APP: variants seen among roughly 807,000 people sequenced by gnomAD.
APP encodes the protein amyloid-beta precursor protein.
Under a neutral mutation model 101.4 loss-of-function variants are expected in APP, and 31 were observed. That is an observed-to-expected ratio of 0.31 (90% CI 0.23 to 0.41). APP has a LOEUF of 0.41. Among genes scored for constraint, APP ranks in the 10% least tolerant of loss-of-function variants. The pLI, the probability that APP is intolerant of heterozygous loss-of-function variation, is 1.00. For missense variants in APP, 839 were observed against 1,003.7 expected (o/e 0.84, Z 2.22); for synonymous variants, 366 against 364.4 (o/e 1.00, Z -0.05).
At chr21:25,909,757 C>T (rs912055746) in intron 14 of APP, among the ~76,000 whole-genome samples, 1 of 152,096 alleles carries the variant, frequency 6.6e-6, no homozygotes. Context: ...CTTCAATGAC[C>T]AAAATCTATC....
intron 13 of APP, among the ~76,000 whole-genome samples, chr21:25,915,120 G>A (rs2083516287): frequency 6.6e-6 from 1 of 152,160 alleles, no homozygotes; most frequent in African/African-American, 2.4e-5. Context: ...GGCCCACCCC[G>A]TATTTCTAGC....
chr21:26,007,062 A>G (rs1403317661), intron 6 of APP, among the ~76,000 whole-genome samples: 1 of 152,012 alleles, frequency 6.6e-6, no homozygotes, highest in East Asian at 1.9e-4. Context: ...TATTTTCTGA[A>G]CTTTTTTTTA....
intron 15 of APP, among the ~76,000 whole-genome samples, chr21:25,901,052 C>CT (rs398121544): frequency 6.7e-6 from 1 of 148,624 alleles, no homozygotes; most frequent in African/African-American, 2.5e-5. Context: ...TAATCCCAGC[C>CT]TTTGGGAGGC....
intron 2 of APP, among the ~76,000 whole-genome samples, chr21:26,107,864 C>G (rs964804829): frequency 6.6e-6 from 1 of 152,116 alleles, no homozygotes; most frequent in Non-Finnish European, 1.5e-5. Context: ...ATCAATGCAC[C>G]CTTAGTATCC....
Position 25,955,106 on chromosome 21 carries a change from C to T in APP, c.1588-417G>A, listed in dbSNP as rs1010767062. On this transcript the variant is annotated intron_variant, in intron 12 of 17. Transcript: ENST00000346798. ...TTGCAAATTTCCCCCTAGAAAACAACGTATTTCAATTTGATTGGCTATTTC... is the reference window on the plus strand; with the variant it reads ...TTGCAAATTTCCCCCTAGAAAACAATGTATTTCAATTTGATTGGCTATTTC... Among the ~76,000 whole-genome samples the T allele has an allele frequency of 7.2e-5, 11 of 152,138 alleles. No individual in the cohort carries two copies. The East Asian group carries it at 1.2e-3, about 16-fold the overall frequency.
Position 25,954,612 on chromosome 21 carries a change from G to A in APP, c.1665C>T (p.Ala555=), listed in dbSNP as rs200846684. Residue 555 remains alanine, a synonymous_variant, in exon 13 of 18, where the codon GCC becomes GCT. Transcript: ENST00000346798. ...LSLLYNVPAV[A]EEIQDEVDEL... is the part of the protein sequence containing the mutation. Reference sequence around the variant, plus strand: ...TACCAACTTCATCCTGAATCTCCTCGGCCACTGCAGGCACGTTGTAGAGCA... The same window carrying A: ...TACCAACTTCATCCTGAATCTCCTCAGCCACTGCAGGCACGTTGTAGAGCA... The A allele has an allele frequency of 3.3e-5, 54 of 1,613,742 alleles. No homozygotes were observed. The highest frequency in any genetic ancestry group is 4.2e-5 in the Non-Finnish European group (49 of 1,179,876).
At chr21:25,920,287 A>G (rs1239284373) in intron 13 of APP, among the ~76,000 whole-genome samples, 1 of 152,186 alleles carries the variant, frequency 6.6e-6, no homozygotes, top group African/African-American at 2.4e-5. Flanking sequence ...CAAAATGTAA[A>G]GACCATCAAG....
intron 6 of APP, among the ~76,000 whole-genome samples, chr21:26,017,216 A>AAAAAAAAAAAAAAAAAAAAAAT: frequency 6.7e-6 from 1 of 149,800 alleles, no homozygotes; most frequent in African/African-American, 2.5e-5. Flanking sequence ...AAAAAAAAAA[A>AAAAAAAAAAAAAAAAAAAAAAT]AATTCTTGGC....
chr21:26,092,418 T>C (rs931867815), intron 2 of APP, among the ~76,000 whole-genome samples: 1 of 152,188 alleles, frequency 6.6e-6, no homozygotes, highest in Non-Finnish European at 1.5e-5. Context: ...CCCATCTGAA[T>C]AGGCTCCATA....
At chr21:26,106,611 C>T (rs531196899) in intron 2 of APP, among the ~76,000 whole-genome samples, 2 of 152,238 alleles carry the variant, frequency 1.3e-5, no homozygotes, top group South Asian at 2.1e-4. Context: ...CAAAGCGCTG[C>T]GACTACAGGT....
At chr21:26,125,824 G>A (rs1164420602) in intron 1 of APP, among the ~76,000 whole-genome samples, 1 of 152,156 alleles carries the variant, frequency 6.6e-6, no homozygotes, top group Non-Finnish European at 1.5e-5. Context: ...TGAGTGATGG[G>A]AACTTATTTT....
At chr21:25,905,784 G>A (rs915072838) in intron 14 of APP, among the ~76,000 whole-genome samples, 1 of 152,208 alleles carries the variant, frequency 6.6e-6, no homozygotes, top group African/African-American at 2.4e-5. Context: ...CCGACCCAAA[G>A]AAAGCAGTGT....
At chr21:25,979,883 T>TTA (rs56145539) in intron 9 of APP, among the ~76,000 whole-genome samples, 152,122 of 152,122 alleles carry the variant, frequency 1, 76,061 homozygotes, top group Non-Finnish European at 1. Flanking sequence ...TCTCAAGGTT[T>TTA]CTATCCAGCT....
At chr21:26,067,812 C>T (rs1430661732) in intron 3 of APP, among the ~76,000 whole-genome samples, 1 of 151,992 alleles carries the variant, frequency 6.6e-6, no homozygotes, top group Non-Finnish European at 1.5e-5. Context: ...GCTGAAAAAG[C>T]AGATATAGTA....
At chr21:25,988,561 G>A (rs921595174) in intron 8 of APP, among the ~76,000 whole-genome samples, 2 of 151,980 alleles carry the variant, frequency 1.3e-5, no homozygotes, top group Non-Finnish European at 2.9e-5. Context: ...AATTAGCTGG[G>A]CGTGGTGGCA....
intron 2 of APP, among the ~76,000 whole-genome samples, chr21:26,103,375 G>A (rs1342331575): frequency 4.6e-5 from 7 of 152,102 alleles, no homozygotes; most frequent in African/African-American, 1.4e-4. Context: ...TTGGGAGGCC[G>A]AGGCAGGTAA....
At chr21:26,125,945 T>C (rs183953050) in intron 1 of APP, among the ~76,000 whole-genome samples, 2 of 152,380 alleles carry the variant, frequency 1.3e-5, no homozygotes, top group East Asian at 1.9e-4. Flanking sequence ...GAATTGCTAA[T>C]GCATTCCTTA....
At chr21:25,936,279 G>T (rs941370167) in intron 13 of APP, among the ~76,000 whole-genome samples, 7 of 26 alleles carry the variant, frequency 0.27, no homozygotes, top group African/African-American at 0.39. Context: ...AGGAGGCCGG[G>T]TGCGGGGCTC....
intron 1 of APP, among the ~76,000 whole-genome samples, chr21:26,149,897 C>T (rs1168412531): frequency 6.6e-5 from 10 of 152,130 alleles, no homozygotes; most frequent in Non-Finnish European, 1.3e-4. Flanking sequence ...CTTCTTCCAA[C>T]ACCCCAGCAT....
Sources: gnomAD v4.1 joint callset for allele counts (sites outside exome capture counted in the v4.1 genomes callset) on GRCh38, gnomAD v4.1.1 for gene constraint, MANE v1.5 for transcripts, NCBI Gene and HGNC (gene_info 2026-07-23, HGNC 2026-07-21) for gene names.